Variants in MARF1 observed in about 807,000 individuals in gnomAD.
MARF1 encodes meiosis regulator and mRNA stability factor 1.
MARF1 carries 24 observed loss-of-function variants against 168.2 expected under a neutral mutation model. The observed-to-expected ratio is 0.14, with a 90% CI of 0.10 to 0.20. The LOEUF (loss-of-function observed/expected upper bound fraction) is 0.20, where lower values mean the gene tolerates loss of function less well. MARF1 is among the 10% of genes least tolerant of loss of function. The pLI is 1.00. For synonymous variants in MARF1, 868 were observed against 822.4 expected (o/e 1.06, Z -0.95); for missense variants, 1,744 against 2,143.6 (o/e 0.81, Z 3.68).
In MARF1 at chr16:15,617,138, A is replaced by C. The variant is rs1156256209; in HGVS notation, c.2991T>G (p.Ile997Met). ...EHEFDPDSYK[I>M]PFVILSLKTF... is the part of the protein sequence containing the mutation. ...TCTTCAAAGAAAGAATCACAAAAGG[A>C]ATCTTGTAAGAGTCTGGATCAAATT... Residue 997 changes from isoleucine (I) to methionine (M), a missense_variant, in exon 15 of 27, where the codon ATT (isoleucine) becomes ATG (methionine). Ile to Met is a conservative substitution (Grantham distance 10, BLOSUM62 1). Transcript: ENST00000396368. 1.2e-6 allele frequency: 2 copies of C among 1,614,082 alleles called. No individual in the cohort carries two copies. Among genetic ancestry groups the C allele is most frequent in the Non-Finnish European group, 1.7e-6 (2 of 1,180,026 alleles).
chr16:15,639,334 A>C, intron 1 of MARF1, 43 bp from the exon 2 acceptor site: 1 of 1,347,288 alleles, frequency 7.4e-7, no homozygotes, highest in Non-Finnish European at 1.0e-6. Context: ...TCCTTGCATA[A>C]GTACAAATTT....
chr16:15,597,016 T>C, intron 26 of MARF1, 79 bp from the exon 27 acceptor site: 1 of 1,448,662 alleles, frequency 6.9e-7, no homozygotes, highest in South Asian at 1.4e-5. Context: ...GCTCATATTT[T>C]CTCAAAAGAT....
rs1050561345 is a variant in MARF1 at position 15,595,655 on chromosome 16, A to C, written c.*1038T>G. ...AGATGCTGAGCTGACATACACACAC[A>C]TAAAGCTTCCCAGCTACCGATACCA... On this transcript the variant is annotated 3_prime_UTR_variant, in exon 27 of 27. Transcript: ENST00000396368. 2 of 152,256 alleles carry C rather than the reference A, an allele frequency of 1.3e-5. No homozygotes were observed. Among genetic ancestry groups the C allele is most frequent in the African/African-American group, 4.8e-5 (2 of 41,444 alleles). The allele number at this position is 152,256 out of a possible 1,614,324, so 9.4% of individuals were successfully genotyped here.
chr16:15,600,889 C>G, intron 23 of MARF1, 188 bp from the exon 24 acceptor site: 1 of 717,260 alleles, frequency 1.4e-6, no homozygotes, highest in Non-Finnish European at 2.5e-6. Context: ...GAAACATACC[C>G]CTATAAAAAG....
chr16:15,617,260 T>C lies in MARF1; in HGVS notation c.2957+39A>G, dbSNP rs138052590. 3.7e-3 allele frequency: 5,997 copies of C among 1,610,162 alleles called. 22 individuals carry two copies. The highest frequency in any genetic ancestry group is 3.8e-3 in the Non-Finnish European group (4,524 of 1,176,806). ...CATCCTAACATGTTCCACAATCTTA[T>C]AGAAAAGAATTACTTCTAAAGGAAA... On this transcript the variant is annotated intron_variant, in intron 14 of 26. Coordinates refer to ENST00000396368, the MANE Select transcript of MARF1 (RefSeq NM_014647.4).
intron 1 of MARF1, chr16:15,642,595 T>C (rs1229281759): frequency 2.0e-5 from 3 of 151,848 alleles, no homozygotes; most frequent in East Asian, 3.9e-4. Flanking sequence ...GCCCTAGACA[T>C]TGTCAACCCT....
At chr16:15,619,134 G>T (rs554881030) in intron 13 of MARF1, among the ~76,000 whole-genome samples, 1 of 152,222 alleles carries the variant, frequency 6.6e-6, no homozygotes, top group Admixed American at 6.5e-5. Flanking sequence ...AATATTAACT[G>T]GGCAGGATGG....
At chr16:15,601,209 C>G in intron 23 of MARF1, 2 of 390,184 alleles carry the variant, frequency 5.1e-6, no homozygotes, top group Non-Finnish European at 1.0e-5. Context: ...CACACCGTCG[C>G]CAGGTCACTG....
chr16:15,623,110 T>G lies in MARF1; in HGVS notation c.2284A>C (p.Asn762His), dbSNP rs935809507. 1 of 1,592,160 alleles carries G rather than the reference T, an allele frequency of 6.3e-7. No individual in the cohort carries two copies. Among genetic ancestry groups the G allele is most frequent in the Non-Finnish European group, 8.6e-7 (1 of 1,162,256 alleles). The change falls in exon 11 of 27, where the codon AAC becomes CAC. Residue 762 changes from asparagine to histidine, a missense_variant. Asn to His is a moderately conservative substitution (Grantham distance 68). Around this residue, in one of 7 missense-constraint regions of MARF1, gnomAD observed 270 missense variants for 260.6 expected, o/e 1.04. Coordinates refer to ENST00000396368, the MANE Select transcript of MARF1 (RefSeq NM_014647.4). The stretch of plus-strand genomic sequence containing the variant: ...AGCGGGGATGCTCTGTTTAAAAGGT[T>G]TGGAGACATACTCCTGCTTAAAACA... ...QSWSSRSMSPNLLNRASPLAF... is the reference protein window; with the variant it reads ...QSWSSRSMSPHLLNRASPLAF...
Position 15,635,995 on chromosome 16 carries a change from T to G in MARF1, c.492A>C (p.Ser164=), listed in dbSNP as rs780822057. The change falls in exon 3 of 27, where the codon TCA becomes TCC. Residue 164 remains serine (S), a synonymous_variant. Transcript: ENST00000396368. The part of the protein sequence containing the change: ...FQSASSLQNA[S]ARNNLAGIAS... ...CAATGCCTGCCAAATTGTTCCTAGC[T>G]GAGGCATTCTGGAGTGAAGATGCAG... 4 of 1,614,230 alleles carry G rather than the reference T, an allele frequency of 2.5e-6. No individual in the cohort carries two copies. The East Asian group carries it at 6.7e-5, about 27-fold the overall frequency.
At chr16:15,620,380 T>C (rs1404879291) in intron 13 of MARF1, 71 bp downstream of exon 13, 6 of 859,528 alleles carry the variant, frequency 7.0e-6, no homozygotes, top group East Asian at 5.2e-5. Flanking sequence ...TCAAGAGTCA[T>C]TACCATGGTT....
At chr16:15,618,683 T>G (rs562488206) in intron 13 of MARF1, among the ~76,000 whole-genome samples, 1 of 152,222 alleles carries the variant, frequency 6.6e-6, no homozygotes, top group Admixed American at 6.5e-5. Context: ...CCCAACCTTA[T>G]CTGCTCTCTA....
chr16:15,604,457 C>G, intron 21 of MARF1, 59 bp from the exon 22 acceptor site: 2 of 1,190,426 alleles, frequency 1.7e-6, no homozygotes, highest in Non-Finnish European at 2.5e-6. Flanking sequence ...TAGGTTATAC[C>G]CAACTCAGCT....
chr16:15,608,831 A>C (rs2033257864), intron 20 of MARF1: 3 of 372,372 alleles, frequency 8.1e-6, no homozygotes, highest in Non-Finnish European at 1.5e-5. Flanking sequence ...CAACAACAGA[A>C]ATTTGGTTTA....
Position 15,612,641 on chromosome 16 carries a change from A to G in MARF1, c.3390T>C (p.His1130=), listed in dbSNP as rs2033670107. The part of the protein sequence containing the change: ...PISHFIPSYH[H]HFAKQCRVSD... ...ACACTCGGCACTGCTTTGCAAAATG[A>G]TGGTGATAGGATGGGATGAAATGAC... The change falls in exon 17 of 27, where the codon CAT becomes CAC. Residue 1130 remains histidine (H), a synonymous_variant. Transcript: ENST00000396368. 1 of 1,614,208 alleles carries G rather than the reference A, an allele frequency of 6.2e-7. No individual in the cohort carries two copies. Among genetic ancestry groups the G allele is most frequent in the African/African-American group, 1.3e-5 (1 of 75,060 alleles).
intron 26 of MARF1, among the ~76,000 whole-genome samples, chr16:15,598,112 T>C (rs1161726914): frequency 1.3e-5 from 2 of 152,132 alleles, no homozygotes; most frequent in Non-Finnish European, 2.9e-5. Context: ...ACAGGGCAGA[T>C]GGGCCATCCT....
chr16:15,631,484 G>A lies in MARF1; in HGVS notation c.1248C>T (p.His416=), dbSNP rs2035250305. ...CGGCATTCTTTGCAGTAGCATTGAT[G>A]TGGGCAACGGTTACCTGCATTAATT... The part of the protein sequence containing the change: ...ELNNCQVTVA[H]INATAKNAAD... The change falls in exon 6 of 27, where the codon CAC becomes CAT. Residue 416 remains histidine, a synonymous_variant. Coordinates refer to ENST00000396368, the MANE Select transcript of MARF1 (RefSeq NM_014647.4). The A allele has an allele frequency of 1.9e-6, 3 of 1,610,854 alleles. No homozygotes were observed. Among genetic ancestry groups the A allele is most frequent in the African/African-American group, 1.3e-5 (1 of 74,872 alleles).
intron 1 of MARF1, among the ~76,000 whole-genome samples, chr16:15,640,001 C>T (rs1295425595): frequency 6.6e-6 from 1 of 152,162 alleles, no homozygotes; most frequent in African/African-American, 2.4e-5. Flanking sequence ...TGAGACTTCA[C>T]CTCCTCACTT....
chr16:15,631,532 G>C (rs1279281594), intron 5 of MARF1, 34 bp from the exon 6 acceptor site: 2 of 1,457,118 alleles, frequency 1.4e-6, no homozygotes, highest in Non-Finnish European at 1.9e-6. Context: ...GAATAAGCAG[G>C]AGCTGAGGCT....
Sources: gnomAD v4.1 joint callset for allele counts (sites outside exome capture counted in the v4.1 genomes callset) on GRCh38, gnomAD v4.1.1 for gene constraint, gnomAD v4.1.1 regional missense constraint, MANE v1.5 for transcripts, NCBI Gene and HGNC (gene_info 2026-07-23, HGNC 2026-07-21) for gene names.